CACNA1A: variants seen among roughly 807,000 people sequenced by gnomAD.
The protein encoded by CACNA1A is voltage-dependent P/Q-type calcium channel subunit alpha-1A.
In CACNA1A, 57 loss-of-function variants were observed where a neutral mutation model predicts 262.4. The ratio of observed to expected loss-of-function variants is 0.22; its 90% CI spans 0.18 to 0.27. The LOEUF (loss-of-function observed/expected upper bound fraction) is 0.27. Ranked by LOEUF, CACNA1A falls within the 10% of genes least tolerant of loss-of-function variation. The pLI is 1.00. For synonymous variants in CACNA1A, 1,431 were observed against 1,419.3 expected, an observed-to-expected ratio of 1.01 and a Z score of -0.18; for missense variants, 2,526 against 3,562.8, an observed-to-expected ratio of 0.71 and a Z score of 7.41.
At chr19:13,355,316 G>A (rs369935527) in intron 6 of CACNA1A, among the ~76,000 whole-genome samples, 5 of 152,342 alleles carry the variant, frequency 3.3e-5, no homozygotes, top group East Asian at 1.9e-4. Context: ...TTTGAGGGGC[G>A]TGTTGTCAGC....
In CACNA1A at chr19:13,207,793, C is replaced by G; in HGVS notation, c.7041G>C (p.Glu2347Asp). The G allele has an allele frequency of 7.1e-7, 1 of 1,403,550 alleles. No individual in the cohort carries two copies. Among genetic ancestry groups the G allele is most frequent in the Non-Finnish European group, 9.2e-7 (1 of 1,086,978 alleles). The allele number at this position is 1,403,550 out of a possible 1,614,324, so 86.9% of individuals were successfully genotyped here. A position where few individuals can be genotyped will look rare whatever the true frequency, so the allele number is the denominator to read the frequency against. The change falls in exon 47 of 47, where the codon GAG (glutamate) becomes GAC (aspartate). Residue 2347 changes from glutamate to aspartate, a missense_variant. Transcript: ENST00000360228. This position sits in a 1 kb window ranked among gnomAD's most constrained non-coding sequence, Gnocchi z 5.7. ...TGGGCGGCCGATCTCCGGCCAGAGG[C>G]TCGGCCGTGGGGCCTGGGTACCTCC... ...GPRRYPGPTA[E>D]PLAGDRPPTG...
Position 13,261,660 on chromosome 19 carries a change from C to T in CACNA1A, c.4090-50G>A, listed in dbSNP as rs1195999901. On this transcript the variant is annotated intron_variant, in intron 25 of 46. Transcript: ENST00000360228. ...CATGAGGGGCTGGGGACCTGCCCAACCTTCTGCCTCCAGTGGCCCATCATA... is the reference window on the plus strand; with the variant it reads ...CATGAGGGGCTGGGGACCTGCCCAATCTTCTGCCTCCAGTGGCCCATCATA... 2.6e-6 allele frequency: 4 copies of T among 1,563,530 alleles called. No homozygotes were observed. In the East Asian group the frequency reaches 9.2e-5, roughly 36 times the overall value.
At chr19:13,500,681 T>C (rs1302032810) in intron 1 of CACNA1A, among the ~76,000 whole-genome samples, 2 of 152,194 alleles carry the variant, frequency 1.3e-5, no homozygotes, top group Admixed American at 6.5e-5. Flanking sequence ...ATCTCACTCC[T>C]GGGTTAATTT....
chr19:13,378,968 CTT>C (rs35618538), intron 3 of CACNA1A, among the ~76,000 whole-genome samples: 56,875 of 129,102 alleles, frequency 0.44, 12,055 homozygotes, highest in Middle Eastern at 0.55. Flanking sequence ...TGTGCCCAGC[CTT>C]TTTTTTTTTT....
intron 3 of CACNA1A, among the ~76,000 whole-genome samples, chr19:13,435,456 CA>C (rs541114742): frequency 1.1e-4 from 17 of 152,038 alleles, no homozygotes; most frequent in Middle Eastern, 3.4e-3. Flanking sequence ...ATACAGGCCC[CA>C]ATTTTCAGAT....
chr19:13,407,437 G>A (rs1260414641), intron 3 of CACNA1A, among the ~76,000 whole-genome samples: 1 of 152,178 alleles, frequency 6.6e-6, no homozygotes, highest in African/African-American at 2.4e-5. Flanking sequence ...TCTGTAAAAT[G>A]GGGATATGAA....
chr19:13,436,566 C>CTCATTCATTCACTCAT (rs1393586265), intron 3 of CACNA1A, among the ~76,000 whole-genome samples: 7 of 152,100 alleles, frequency 4.6e-5, no homozygotes, highest in Non-Finnish European at 8.8e-5. Flanking sequence ...CATCCACTCA[C>CTCATTCATTCACTCAT]TCATTCATTC....
At chr19:13,323,595 G>C (rs1460042941) in intron 10 of CACNA1A, among the ~76,000 whole-genome samples, 2 of 152,106 alleles carry the variant, frequency 1.3e-5, no homozygotes, top group East Asian at 3.9e-4. Flanking sequence ...CCGAGTAGCT[G>C]TCTTTGCCCA....
chr19:13,341,117 G>A (rs2058669444), intron 6 of CACNA1A, among the ~76,000 whole-genome samples: 1 of 152,156 alleles, frequency 6.6e-6, no homozygotes, highest in Non-Finnish European at 1.5e-5. Context: ...ATAAGAAAAG[G>A]AGAAACCTGG....
chr19:13,219,119 G>A (rs2055126841), intron 38 of CACNA1A, among the ~76,000 whole-genome samples: 1 of 142,840 alleles, frequency 7.0e-6, no homozygotes, highest in Non-Finnish European at 1.5e-5. Context: ...TCGGCTCACT[G>A]CAACCTCTGC....
At chr19:13,475,863 G>C (rs1978465612) in intron 1 of CACNA1A, among the ~76,000 whole-genome samples, 1 of 152,152 alleles carries the variant, frequency 6.6e-6, no homozygotes, top group South Asian at 2.1e-4. Flanking sequence ...AATTAAAGGA[G>C]TTTCATCTTT....
Position 13,490,720 on chromosome 19 carries a change from AG to A in CACNA1A, c.293+15211del, listed in dbSNP as rs1168255646. 9.4e-5 allele frequency among the ~76,000 whole-genome samples: 11 copies of A among 116,464 alleles called. No individual in the cohort carries two copies. In the South Asian group the frequency reaches 1.4e-3, roughly 15 times the overall value. 76.4% of individuals were successfully genotyped at this position (116,464 alleles called of 152,430 possible). A position where few individuals can be genotyped will look rare whatever the true frequency, so the allele number is the denominator to read the frequency against. On this transcript the variant is annotated intron_variant, in intron 1 of 46. Transcript: ENST00000360228. ...AAGAAAGAAAGAAAGAAAGAAAGAAAGAAAGAAAGAAAGAGAAAAGAAAGAA... is the reference window on the plus strand; with the variant it reads ...AAGAAAGAAAGAAAGAAAGAAAGAAAAAAGAAAGAAAGAGAAAAGAAAGAA...
chr19:13,418,291 C>T (rs1222615184), intron 3 of CACNA1A, among the ~76,000 whole-genome samples: 1 of 152,030 alleles, frequency 6.6e-6, no homozygotes. Context: ...GAGGTGGGGG[C>T]AGAACCCTTC....
intron 3 of CACNA1A, among the ~76,000 whole-genome samples, chr19:13,434,909 C>G (rs1373482585): frequency 1.3e-5 from 2 of 151,796 alleles, no homozygotes; most frequent in Non-Finnish European, 2.9e-5. Flanking sequence ...CCCACCTCAC[C>G]CTCCTGAGTA....
rs573477670 is a variant in CACNA1A at position 13,219,817 on chromosome 19, G to A, written c.5731+4850C>T. On this transcript the variant is annotated intron_variant, in intron 38 of 46. Transcript: ENST00000360228. The stretch of plus-strand genomic sequence containing the variant: ...AAATACAAAAAATTATCCGGGCGTG[G>A]TGGCACGCATCTGTAGTCCCACCTA... 1.5e-4 allele frequency among the ~76,000 whole-genome samples: 23 copies of A among 152,100 alleles called. No individual in the cohort carries two copies. The South Asian group carries it at 2.9e-3, about 19-fold the overall frequency.
intron 10 of CACNA1A, among the ~76,000 whole-genome samples, chr19:13,328,071 T>C (rs1285299834): frequency 6.6e-6 from 1 of 151,746 alleles, no homozygotes; most frequent in Non-Finnish European, 1.5e-5. Context: ...GCTAAGTTTT[T>C]CAACATTTTG....
At chr19:13,321,319 A>G (rs1376702232) in intron 10 of CACNA1A, among the ~76,000 whole-genome samples, 2 of 152,012 alleles carry the variant, frequency 1.3e-5, no homozygotes, top group Non-Finnish European at 2.9e-5. Flanking sequence ...CAGGCATGAG[A>G]TACTGGGCGT....
At chr19:13,447,584 C>T (rs1343850771) in intron 3 of CACNA1A, among the ~76,000 whole-genome samples, 1 of 152,180 alleles carries the variant, frequency 6.6e-6, no homozygotes, top group African/African-American at 2.4e-5. Flanking sequence ...CCACGATAGC[C>T]CATCTGAAGG....
intron 6 of CACNA1A, among the ~76,000 whole-genome samples, chr19:13,346,660 A>T (rs1221223569): frequency 0.031 from 173 of 5,672 alleles, 14 homozygotes; most frequent in Middle Eastern, 0.17. Context: ...ATATATATAT[A>T]TATATATTTT....
Sources: gnomAD v4.1 joint callset for allele counts (sites outside exome capture counted in the v4.1 genomes callset) on GRCh38, gnomAD v4.1.1 for gene constraint, Gnocchi (gnomAD v3.1) non-coding constraint, MANE v1.5 for transcripts, NCBI Gene and HGNC (gene_info 2026-07-23, HGNC 2026-07-21) for gene names.